Variants in ZBTB20 observed in about 807,000 individuals in gnomAD.
ZBTB20 encodes zinc finger and BTB domain containing 20.
ZBTB20 carries 9 observed loss-of-function variants against 56.9 expected under a neutral mutation model. The ratio of observed to expected loss-of-function variants is 0.16; its 90% CI spans 0.10 to 0.28. The LOEUF (loss-of-function observed/expected upper bound fraction) is 0.28. ZBTB20 is among the 10% of genes least tolerant of loss of function. The pLI is 1.00. For missense variants in ZBTB20, 655 were observed against 1,003.0 expected (o/e 0.65, Z 4.69); for synonymous variants, 417 against 420.7 (o/e 0.99, Z 0.11).
At chr3:114,974,807 T>C (rs1458898870) in intron 2 of ZBTB20, among the ~76,000 whole-genome samples, 2 of 152,178 alleles carry the variant, frequency 1.3e-5, no homozygotes, top group South Asian at 2.1e-4. Context: ...TGATGTATAA[T>C]GTACTGGTCA....
rs2078852300 is a variant in ZBTB20, at chr3:114,320,403, A to G, written c.*18602T>C. ...AACAAAAGTACAATACAATAGAATC[A>G]GGCATTGCCAAGAATAGCATGATGT... is the stretch of plus-strand genomic sequence containing the variant. On this transcript the variant is annotated 3_prime_UTR_variant, in exon 12 of 12. Transcript: ENST00000675478. 1.3e-5 allele frequency: 2 copies of G among 152,240 alleles called. No individual in the cohort carries two copies. Among genetic ancestry groups the G allele is most frequent in the Non-Finnish European group, 2.9e-5 (2 of 68,042 alleles). 9.4% of individuals were successfully genotyped at this position (152,240 alleles called of 1,614,324 possible).
At chr3:114,584,946 A>G (rs2055026623) in intron 6 of ZBTB20, among the ~76,000 whole-genome samples, 1 of 152,158 alleles carries the variant, frequency 6.6e-6, no homozygotes, top group Admixed American at 6.5e-5. Context: ...TTTTATGAAA[A>G]GGCCAAAGTC....
chr3:114,796,391 G>A (rs190183868), intron 5 of ZBTB20, among the ~76,000 whole-genome samples: 2 of 152,116 alleles, frequency 1.3e-5, no homozygotes, highest in East Asian at 3.9e-4. Flanking sequence ...AATGGGATCA[G>A]AGTTAGATTT....
chr3:114,539,376 G>C (rs527408165), intron 6 of ZBTB20, among the ~76,000 whole-genome samples: 2 of 152,038 alleles, frequency 1.3e-5, no homozygotes, highest in African/African-American at 4.8e-5. Flanking sequence ...TATTTTTGGC[G>C]ATACAATAGT....
intron 10 of ZBTB20, among the ~76,000 whole-genome samples, chr3:114,359,677 C>T (rs548851151): frequency 1.3e-5 from 2 of 152,218 alleles, no homozygotes; most frequent in South Asian, 2.1e-4. Context: ...ATGCTACATC[C>T]GTGGGTGGTA....
At chr3:115,123,023 T>G (rs1406167826) in intron 1 of ZBTB20, among the ~76,000 whole-genome samples, 1 of 152,138 alleles carries the variant, frequency 6.6e-6, no homozygotes, top group Non-Finnish European at 1.5e-5. Context: ...CATAAAGGTC[T>G]AATTATTGCT....
intron 3 of ZBTB20, among the ~76,000 whole-genome samples, chr3:114,966,702 A>C (rs2077661345): frequency 6.6e-6 from 1 of 152,062 alleles, no homozygotes; most frequent in African/African-American, 2.4e-5. Flanking sequence ...TAAATAAACA[A>C]ACGTTCACAT....
chr3:114,808,945 C>T (rs554473522), intron 4 of ZBTB20, among the ~76,000 whole-genome samples: 2 of 152,166 alleles, frequency 1.3e-5, no homozygotes, highest in South Asian at 4.2e-4. Flanking sequence ...AACAATTTTG[C>T]TAAATATAAA....
intron 7 of ZBTB20, among the ~76,000 whole-genome samples, chr3:114,396,155 A>G (rs76644726): frequency 0.028 from 4,198 of 152,294 alleles, 77 homozygotes; most frequent in Middle Eastern, 0.089. Flanking sequence ...ATCGTTTTAA[A>G]CTTTGTAATG....
chr3:114,966,264 T>G (rs555627017), intron 3 of ZBTB20, among the ~76,000 whole-genome samples: 8 of 152,144 alleles, frequency 5.3e-5, no homozygotes, highest in South Asian at 2.1e-4. Flanking sequence ...TAACTCCAGG[T>G]TCAAAGATAA....
chr3:114,991,260 T>C (rs965830459), intron 2 of ZBTB20, among the ~76,000 whole-genome samples: 1 of 152,214 alleles, frequency 6.6e-6, no homozygotes, highest in Admixed American at 6.5e-5. Context: ...TAAATTTCCC[T>C]CTACACACTT....
chr3:115,098,923 G>A (rs1253919893), intron 1 of ZBTB20, among the ~76,000 whole-genome samples: 1 of 152,150 alleles, frequency 6.6e-6, no homozygotes, highest in Non-Finnish European at 1.5e-5. Flanking sequence ...CTACAGATCA[G>A]CATCCATTTT....
At chr3:114,726,187 G>A (rs910209277) in intron 5 of ZBTB20, among the ~76,000 whole-genome samples, 1 of 152,140 alleles carries the variant, frequency 6.6e-6, no homozygotes, top group East Asian at 1.9e-4. Flanking sequence ...ATGCAGGAGA[G>A]AGAGGATTTG....
chr3:114,407,426 G>C (rs1488904414), intron 7 of ZBTB20, among the ~76,000 whole-genome samples: 2 of 152,150 alleles, frequency 1.3e-5, no homozygotes, highest in Non-Finnish European at 2.9e-5. Flanking sequence ...GGGTTGTCCA[G>C]AAATCCATTC....
At chr3:114,767,976 A>G (rs1244581847) in intron 5 of ZBTB20, among the ~76,000 whole-genome samples, 2 of 152,084 alleles carry the variant, frequency 1.3e-5, no homozygotes, top group African/African-American at 4.8e-5. Context: ...ATACATTTAG[A>G]TAAAATATAA....
At chr3:114,792,468 G>T (rs1162776975) in intron 5 of ZBTB20, among the ~76,000 whole-genome samples, 1 of 152,158 alleles carries the variant, frequency 6.6e-6, no homozygotes, top group Non-Finnish European at 1.5e-5. Context: ...TCAAGAAGTA[G>T]GGGGAAGAAA....
At chr3:114,459,911 T>C (rs921256996) in intron 7 of ZBTB20, among the ~76,000 whole-genome samples, 3 of 152,036 alleles carry the variant, frequency 2.0e-5, no homozygotes, top group African/African-American at 4.8e-5. Flanking sequence ...ATATTAGAGA[T>C]AGTAAGCACT....
chr3:114,561,614 G>A (rs2052062876), intron 6 of ZBTB20, among the ~76,000 whole-genome samples: 1 of 151,974 alleles, frequency 6.6e-6, no homozygotes, highest in South Asian at 2.1e-4. Flanking sequence ...TCTCAAGAGT[G>A]GGCTTAAAAT....
At chr3:114,907,008 A>C (rs1442188990) in intron 3 of ZBTB20, among the ~76,000 whole-genome samples, 1 of 151,870 alleles carries the variant, frequency 6.6e-6, no homozygotes, top group Non-Finnish European at 1.5e-5. Flanking sequence ...AGAAAAATCA[A>C]CTGAAATGTA....
Sources: allele counts gnomAD v4.1 joint callset (sites outside exome capture counted in the v4.1 genomes callset), GRCh38; gene constraint gnomAD v4.1.1; transcripts MANE v1.5; gene names NCBI Gene and HGNC (gene_info 2026-07-23, HGNC 2026-07-21).